DLC1: variants seen among roughly 807,000 people sequenced by gnomAD.
DLC1 encodes the protein rho GTPase-activating protein 7.
Under a neutral mutation model 140.3 loss-of-function variants are expected in DLC1, and 54 were observed. That is an observed-to-expected ratio of 0.38 (90% CI 0.31 to 0.48). The LOEUF (loss-of-function observed/expected upper bound fraction) is 0.48. Among genes scored for constraint, DLC1 ranks in the 20% least tolerant of loss-of-function variants. The pLI, the probability that DLC1 is intolerant of heterozygous loss-of-function variation, is 0.96. For missense variants in DLC1, 2,536 were observed against 1,907.0 expected (o/e 1.33, Z -6.14); for synonymous variants, 986 against 728.1 (o/e 1.35, Z -5.70).
Position 13,453,445 on chromosome 8 carries a change from TATAC to T in DLC1, c.1023+45600_1023+45603del, listed in dbSNP as rs1332204796. 4.6e-3 allele frequency among the ~76,000 whole-genome samples: 166 copies of T among 36,148 alleles called. 5 individuals are homozygous for T. Among genetic ancestry groups the T allele is most frequent in the Non-Finnish European group, 6.7e-3 (131 of 19,510 alleles). The allele number at this position is 36,148 out of a possible 152,430, so 23.7% of individuals were successfully genotyped here. ...ATATGTGTATATATATATGTATATA[TATAC>T]ATATATATATGTATATATATACATA... On this transcript the variant is annotated intron_variant, in intron 2 of 17. Coordinates refer to ENST00000276297, the MANE Select transcript of DLC1 (RefSeq NM_182643.3).
chr8:13,217,677 A>G (rs1247712070), intron 5 of DLC1, among the ~76,000 whole-genome samples: 1 of 150,600 alleles, frequency 6.6e-6, no homozygotes, highest in Non-Finnish European at 1.5e-5. Context: ...TACTAAAAAT[A>G]CAAAAAAAAA....
At chr8:13,133,234 GC>G in intron 5 of DLC1, 2 of 1,406,694 alleles carry the variant, frequency 1.4e-6, no homozygotes, top group Non-Finnish European at 1.8e-6. Context: ...GCGGAGAGGT[GC>G]GGCCATGTCC....
rs1804964594 is a variant in DLC1 at position 13,579,318 on chromosome 8, TATATATATATATATA to T, written c.-126+25204_-126+25218del. Among the ~76,000 whole-genome samples the T allele has an allele frequency of 9.1e-4, 5 of 5,470 alleles. 1 individual carries two copies. The highest frequency in any genetic ancestry group is 0.033 in the East Asian group (2 of 60). 3.6% of individuals were successfully genotyped at this position (5,470 alleles called of 152,430 possible). On this transcript the variant is annotated intron_variant, in intron 1 of 1. Transcript: ENST00000631382. Reference sequence around the variant, plus strand: ...GTCAGATACCACAGGTCTGACTTTATATATATATATATATATATATATATATATATATATATATAT... The same window carrying T: ...GTCAGATACCACAGGTCTGACTTTATTATATATATATATATATATATATAT...
intron 4 of DLC1, among the ~76,000 whole-genome samples, chr8:13,377,465 T>A (rs1032180088): frequency 6.6e-6 from 1 of 152,222 alleles, no homozygotes; most frequent in African/African-American, 2.4e-5. Flanking sequence ...TATAAACTAC[T>A]ATAAACATAC....
At chr8:13,109,590 C>CA (rs151059996) in intron 7 of DLC1, among the ~76,000 whole-genome samples, 54,833 of 144,790 alleles carry the variant, frequency 0.38, 11,913 homozygotes, top group Middle Eastern at 0.54. Flanking sequence ...AAAAACAGAA[C>CA]AAAAAAAAAA....
intron 7 of DLC1, among the ~76,000 whole-genome samples, chr8:13,103,860 G>A (rs73206702): frequency 0.013 from 808 of 61,674 alleles, 1 homozygote; most frequent in Non-Finnish European, 0.03. Flanking sequence ...AAAAAAAAAA[G>A]AAAGAAAGAA....
chr8:13,579,356 TATA>T lies in DLC1; in HGVS notation c.-126+25178_-126+25180del, dbSNP rs1224308030. Among the ~76,000 whole-genome samples, 8 of 30,388 alleles carry T rather than the reference TATA, an allele frequency of 2.6e-4. 1 individual carries two copies. The East Asian group carries it at 4.7e-3, about 18-fold the overall frequency. The allele number at this position is 30,388 out of a possible 152,430, so 19.9% of individuals were successfully genotyped here. A position where few individuals can be genotyped will look rare whatever the true frequency, so the allele number is the denominator to read the frequency against. On this transcript the variant is annotated intron_variant, in intron 1 of 1. Coordinates refer to the DLC1 transcript ENST00000631382. Reference sequence around the variant, plus strand: ...ATATATATATATATATATATATATATATATATTTTTATATAATACATATTTATA... The same window carrying T: ...ATATATATATATATATATATATATATTATTTTTATATAATACATATTTATA...
At position 13,253,056 on chromosome 8, in the gene DLC1, T is replaced by C. The variant is rs74596303; in HGVS notation, c.1348+52213A>G. 5.9e-3 allele frequency among the ~76,000 whole-genome samples: 903 copies of C among 152,326 alleles called. 12 individuals carry two copies. Among genetic ancestry groups the C allele is most frequent in the South Asian group, 0.028 (135 of 4,826 alleles). On this transcript the variant is annotated intron_variant, in intron 5 of 17. Transcript: ENST00000276297. The stretch of plus-strand genomic sequence containing the variant: ...GATTAAGGGAAATGAGAAGCCATCG[T>C]ATGATCAAGTCCCCAAAACTTGCAA...
At chr8:13,279,000 G>A (rs758875826) in intron 5 of DLC1, among the ~76,000 whole-genome samples, 2 of 152,206 alleles carry the variant, frequency 1.3e-5, no homozygotes, top group Non-Finnish European at 2.9e-5. Flanking sequence ...AAACTCATTA[G>A]CTTCCTAATC....
intron 2 of DLC1, among the ~76,000 whole-genome samples, chr8:13,426,070 C>T (rs1314119397): frequency 1.3e-5 from 2 of 152,130 alleles, no homozygotes; most frequent in African/African-American, 2.4e-5. Context: ...GCCTTGCCCT[C>T]TCAAAGTGCT....
intron 5 of DLC1, among the ~76,000 whole-genome samples, chr8:13,129,500 C>T (rs544905963): frequency 1.6e-4 from 25 of 152,194 alleles, no homozygotes; most frequent in Non-Finnish European, 3.1e-4. Flanking sequence ...AGCCCCACAG[C>T]TCCAAACTAA....
chr8:13,117,468 A>G (rs1820651017), intron 5 of DLC1, among the ~76,000 whole-genome samples: 1 of 151,676 alleles, frequency 6.6e-6, no homozygotes, highest in Non-Finnish European at 1.5e-5. Flanking sequence ...ACAGAGTAAG[A>G]CTCTGTAACC....
In DLC1 at chr8:13,095,113, T is replaced by A. The variant is rs1210299438; in HGVS notation, c.3300A>T (p.Arg1100=). 6.2e-7 allele frequency: 1 copy of A among 1,614,266 alleles called. No individual in the cohort carries two copies. The highest frequency in any genetic ancestry group is 1.7e-5 in the Admixed American group (1 of 60,034). The part of the protein sequence containing the change: ...PLPQSIQQAM[R]YLRNHCLDQV... ...GATCCAAACAATGGTTCCGGAGGTATCGCATGGCCTGCTGGATGCTCTGAG... is the reference window on the plus strand; with the variant it reads ...GATCCAAACAATGGTTCCGGAGGTAACGCATGGCCTGCTGGATGCTCTGAG... The change falls in exon 11 of 18, where the codon CGA becomes CGT. Residue 1100 remains arginine, a synonymous_variant. Coordinates refer to ENST00000276297, the MANE Select transcript of DLC1 (RefSeq NM_182643.3).
At chr8:13,276,324 C>T (rs1831160879) in intron 5 of DLC1, 1 of 1,532,746 alleles carries the variant, frequency 6.5e-7, no homozygotes, top group African/African-American at 1.4e-5. Context: ...CGTGGAGTCC[C>T]TGATGTGATC....
At chr8:13,267,448 T>A (rs1204810149) in intron 5 of DLC1, among the ~76,000 whole-genome samples, 2 of 151,968 alleles carry the variant, frequency 1.3e-5, no homozygotes, top group Non-Finnish European at 2.9e-5. Flanking sequence ...ACCTACAACA[T>A]CCTGCTATTC....
At chr8:13,170,695 A>C (rs971199451) in intron 5 of DLC1, among the ~76,000 whole-genome samples, 1 of 145,080 alleles carries the variant, frequency 6.9e-6, no homozygotes. Context: ...GCGCCACTGC[A>C]CTCCAGCCTG....
At chr8:13,591,271 T>G (rs150011761) in intron 1 of DLC1, among the ~76,000 whole-genome samples, 3 of 152,278 alleles carry the variant, frequency 2.0e-5, no homozygotes, top group African/African-American at 7.2e-5. Context: ...CCAAACCTCA[T>G]CTTGAATTGT....
intron 5 of DLC1, among the ~76,000 whole-genome samples, chr8:13,143,940 T>C (rs1184218951): frequency 1.3e-5 from 2 of 152,006 alleles, no homozygotes; most frequent in Admixed American, 1.3e-4. Context: ...GAGAAGGCTT[T>C]AAGAGAGGCT....
intron 4 of DLC1, among the ~76,000 whole-genome samples, chr8:13,371,383 ATC>A (rs538239789): frequency 4.9e-4 from 74 of 152,048 alleles, no homozygotes; most frequent in Middle Eastern, 3.4e-3. Context: ...TTCTGTTTCT[ATC>A]TCTCTGTCTC....
Sources: allele counts gnomAD v4.1 joint callset (sites outside exome capture counted in the v4.1 genomes callset), GRCh38; gene constraint gnomAD v4.1.1; transcripts MANE v1.5; gene names NCBI Gene and HGNC (gene_info 2026-07-23, HGNC 2026-07-21).